Variants in TMC4 observed in about 807,000 individuals in gnomAD.
The protein encoded by TMC4 is voltage-gated chloride channel TMC4.
A neutral mutation model predicts 82.0 loss-of-function variants in TMC4; 70 were observed. That is an observed-to-expected ratio of 0.85 (90% CI 0.70 to 1.04). The LOEUF (loss-of-function observed/expected upper bound fraction) is 1.04, where lower values mean the gene tolerates loss of function less well. Among genes scored for constraint, TMC4 ranks in the 50% least tolerant of loss-of-function variants. The probability of loss-of-function intolerance (pLI) is 0.00; values close to 1 mark genes in which losing one functional copy is unlikely to be tolerated. For missense variants in TMC4, 879 were observed against 899.0 expected, an observed-to-expected ratio of 0.98 and a Z score of 0.28; for synonymous variants, 446 against 406.0, an observed-to-expected ratio of 1.10 and a Z score of -1.18.
rs564669555 is a variant in TMC4, at chr19:54,164,731, C to T, written c.946-130G>A. On this transcript the variant is annotated intron_variant, in intron 6 of 14. Coordinates refer to ENST00000619895, the MANE Select transcript of TMC4 (RefSeq NM_144686.4). ...CAGCCGTCTCCCCACCCGCTAACAA[C>T]CTCTGCAGTCCTGGTTCCACCTGCT... 4,664 of 1,212,830 alleles carry T rather than the reference C, an allele frequency of 3.8e-3. 7 individuals are homozygous for T. The highest frequency in any genetic ancestry group is 4.8e-3 in the Non-Finnish European group (4,208 of 867,756). The allele number at this position is 1,212,830 out of a possible 1,614,324, so 75.1% of individuals were successfully genotyped here. A position where few individuals can be genotyped will look rare whatever the true frequency, so the allele number is the denominator to read the frequency against.
At chr19:54,168,033 A>T (rs1438087712) in intron 5 of TMC4, 138 bp downstream of exon 5, 1 of 1,090,470 alleles carries the variant, frequency 9.2e-7, no homozygotes, top group East Asian at 2.6e-5. Flanking sequence ...ACTACACTCT[A>T]GCCTGGGCAA....
chr19:54,164,549 C>T lies in TMC4; in HGVS notation c.998G>A (p.Gly333Asp), dbSNP rs1455836486. The T allele has an allele frequency of 3.7e-6, 6 of 1,613,698 alleles. No homozygotes were observed. The highest frequency in any genetic ancestry group is 5.1e-6 in the Non-Finnish European group (6 of 1,180,000). Residue 333 changes from glycine to aspartate, a missense_variant, in exon 7 of 15, where the codon GGC becomes GAC. Gly to Asp is a moderately conservative substitution (Grantham distance 94, BLOSUM62 -1). Transcript: ENST00000619895. ...VRRQAAVRTLGQQARVWLVRV... is the reference protein window; with the variant it reads ...VRRQAAVRTLDQQARVWLVRV... ...CACCAACCAAACCCTGGCTTGCTGG[C>T]CCAGCGTCCGCACCGCAGCCTGGCG...
intron 6 of TMC4, chr19:54,164,853 C>A: frequency 1.7e-6 from 1 of 574,344 alleles, no homozygotes; most frequent in Non-Finnish European, 3.1e-6. Flanking sequence ...GCACCCCAGG[C>A]CCCGCCCCTG....
chr19:54,161,011 C>T lies in TMC4; in HGVS notation c.1840G>A (p.Gly614Ser). 5 of 1,614,114 alleles carry T rather than the reference C, an allele frequency of 3.1e-6. No individual in the cohort carries two copies. The highest frequency in any genetic ancestry group is 1.3e-5 in the African/African-American group (1 of 75,022). Residue 614 changes from glycine (G) to serine (S), a missense_variant, in exon 13 of 15, where the codon GGT (glycine) becomes AGT (serine). Coordinates refer to ENST00000619895, the MANE Select transcript of TMC4 (RefSeq NM_144686.4). Reference protein sequence around the residue: ...IFLIPPSKLCGPFRGQSSIWA... With the variant: ...IFLIPPSKLCSPFRGQSSIWA... Reference sequence around the variant, plus strand: ...ATGGACGACTGCCCCCGGAATGGACCACACAGCTTAGAAGGCGGGATCCTG... The same window carrying T: ...ATGGACGACTGCCCCCGGAATGGACTACACAGCTTAGAAGGCGGGATCCTG...
intron 4 of TMC4, 69 bp downstream of exon 4, chr19:54,168,379 A>T (rs1325474196): frequency 7.2e-6 from 11 of 1,518,048 alleles, no homozygotes; most frequent in Non-Finnish European, 8.9e-6. Flanking sequence ...TCAGGGTTTG[A>T]GGTTCGTGTC....
chr19:54,160,934 A>G lies in TMC4; in HGVS notation c.1917T>C (p.Asn639=), dbSNP rs2146858223. The G allele has an allele frequency of 1.2e-6, 2 of 1,614,182 alleles. No individual in the cohort carries two copies. Among genetic ancestry groups the G allele is most frequent in the Non-Finnish European group, 1.7e-6 (2 of 1,180,040 alleles). Reference sequence around the variant, plus strand: ...CCTGGGTCCCCAGGAAGAAGAGGAAATTCTGGGTGGTCTCAGGGAGGCTGG... The same window carrying G: ...CCTGGGTCCCCAGGAAGAAGAGGAAGTTCTGGGTGGTCTCAGGGAGGCTGG... ...SISSLPETTQ[N]FLFFLGTQAF... is the part of the protein sequence containing the mutation. Residue 639 remains asparagine (N), a synonymous_variant, in exon 13 of 15, where the codon AAT becomes AAC. Transcript: ENST00000619895.
intron 8 of TMC4, 174 bp from the exon 9 acceptor site, chr19:54,163,333 CA>C: frequency 1.3e-6 from 1 of 760,926 alleles, no homozygotes; most frequent in Non-Finnish European, 1.9e-6. Context: ...TTTTTTGAGA[CA>C]GGGTCTCACT....
At chr19:54,171,591 G>A (rs1600597311) in intron 2 of TMC4, among the ~76,000 whole-genome samples, 1 of 152,182 alleles carries the variant, frequency 6.6e-6, no homozygotes, top group African/African-American at 2.4e-5. Flanking sequence ...CACACACAGA[G>A]AGAAACTGAG....
At chr19:54,169,288 G>A (rs2075824764) in intron 3 of TMC4, among the ~76,000 whole-genome samples, 2 of 151,620 alleles carry the variant, frequency 1.3e-5, no homozygotes, top group African/African-American at 4.8e-5. Context: ...ACCCACCTCG[G>A]CCTCCCAAAC....
At chr19:54,165,072 T>C (rs1044000007) in intron 6 of TMC4, among the ~76,000 whole-genome samples, 1 of 146,022 alleles carries the variant, frequency 6.8e-6, no homozygotes, top group African/African-American at 2.5e-5. Flanking sequence ...AAAACAAACT[T>C]TTTTTTTTTT....
chr19:54,161,215 C>A lies in TMC4; in HGVS notation c.1732G>T (p.Ala578Ser). 1 of 1,587,574 alleles carries A rather than the reference C, an allele frequency of 6.3e-7. No homozygotes were observed. Among genetic ancestry groups the A allele is most frequent in the African/African-American group, 1.4e-5 (1 of 73,502 alleles). The change falls in exon 12 of 15, where the codon GCC becomes TCC. Residue 578 changes from alanine to serine, a missense_variant. By Grantham distance (99) the Ala-to-Ser change is moderately conservative. Transcript: ENST00000619895. The part of the protein sequence containing the change: ...TCSPAARTFR[A>S]SAANFFFPLV... ...GGGAAAAAGAAATTCGCCGCGGAGGCCCGGAAGGTGCGGGCAGCCGGGGAG... is the reference window on the plus strand; with the variant it reads ...GGGAAAAAGAAATTCGCCGCGGAGGACCGGAAGGTGCGGGCAGCCGGGGAG...
chr19:54,164,697 G>C, intron 6 of TMC4, 96 bp from the exon 7 acceptor site: 1 of 1,492,672 alleles, frequency 6.7e-7, no homozygotes, highest in Non-Finnish European at 9.1e-7. Flanking sequence ...TCCTTAACGT[G>C]AACTGATGCA....
chr19:54,172,924 CCTT>C, intron 1 of TMC4, 112 bp downstream of exon 1: 1 of 867,508 alleles, frequency 1.2e-6, no homozygotes. Context: ...GGAAGTGGAA[CCTT>C]CTCTCTTTAG....
chr19:54,171,026 A>G (rs559655782), intron 2 of TMC4, among the ~76,000 whole-genome samples: 28 of 139,666 alleles, frequency 2.0e-4, no homozygotes, highest in African/African-American at 2.9e-4. Context: ...GTGTTGATAC[A>G]TTGTTATTTT....
intron 2 of TMC4, among the ~76,000 whole-genome samples, chr19:54,171,072 CA>C (rs2075872063): frequency 4.0e-5 from 2 of 50,220 alleles, no homozygotes; most frequent in South Asian, 9.5e-4. Context: ...CATATATATA[CA>C]TATATATGTG....
intron 5 of TMC4, among the ~76,000 whole-genome samples, chr19:54,166,212 C>T (rs1356585022): frequency 1.3e-5 from 2 of 150,794 alleles, no homozygotes; most frequent in African/African-American, 4.9e-5. Context: ...AACCCCGTCT[C>T]TACTAAAAAT....
chr19:54,168,775 CTTTCTTTCT>C lies in TMC4; in HGVS notation c.443-104_443-96del, dbSNP rs1555824590. On this transcript the variant is annotated intron_variant, in intron 3 of 14. Transcript: ENST00000619895. ...CTGGGGTCCAGCCGCGCCTTCCTTT[CTTTCTTTCT>C]TTTCTTTTCTTTCTTTTCTTTTCTT... 4.1e-5 allele frequency: 17 copies of C among 414,296 alleles called. 1 individual carries two copies. In the African/African-American group the frequency reaches 4.4e-4, roughly 11 times the overall value. The allele number at this position is 414,296 out of a possible 1,614,324, so 25.7% of individuals were successfully genotyped here. A position where few individuals can be genotyped will look rare whatever the true frequency, so the allele number is the denominator to read the frequency against.
chr19:54,162,585 T>G (rs989081119), intron 10 of TMC4, 88 bp downstream of exon 10: 132 of 1,073,100 alleles, frequency 1.2e-4, no homozygotes, highest in South Asian at 3.3e-4. Context: ...GCGGGAATGG[T>G]AAAAAGGTGC....
chr19:54,162,613 G>T, intron 10 of TMC4, 60 bp downstream of exon 10: 3 of 1,364,026 alleles, frequency 2.2e-6, no homozygotes, highest in Non-Finnish European at 3.1e-6. Flanking sequence ...AAAGAACAGC[G>T]CGATGGGGCA....
Sources: allele counts gnomAD v4.1 joint callset (sites outside exome capture counted in the v4.1 genomes callset), GRCh38; gene constraint gnomAD v4.1.1; transcripts MANE v1.5; gene names NCBI Gene and HGNC (gene_info 2026-07-23, HGNC 2026-07-21).